The following CMYA5 variants were observed in gnomAD, a reference collection of about 807,000 sequenced individuals.
CMYA5 encodes the protein cardiomyopathy-associated protein 5.
In CMYA5, 246 loss-of-function variants were observed where a neutral mutation model predicts 318.9. The observed-to-expected ratio is 0.77, with a 90% CI of 0.70 to 0.86. The LOEUF is 0.86. Among genes scored for constraint, CMYA5 ranks in the 40% least tolerant of loss-of-function variants. The pLI is 0.00. For missense variants in CMYA5, 4,589 were observed against 4,678.2 expected, an observed-to-expected ratio of 0.98 and a Z score of 0.56; for synonymous variants, 1,641 against 1,729.5, an observed-to-expected ratio of 0.95 and a Z score of 1.27.
chr5:79,748,353 A>G (rs543266253), intron 5 of CMYA5, among the ~76,000 whole-genome samples: 1 of 152,296 alleles, frequency 6.6e-6, no homozygotes, highest in South Asian at 2.1e-4. Context: ...GTTTAACCAA[A>G]GATCCTTTGG....
chr5:79,698,598 C>G (rs796288851), intron 1 of CMYA5, among the ~76,000 whole-genome samples: 1 of 152,304 alleles, frequency 6.6e-6, no homozygotes, highest in East Asian at 1.9e-4. Flanking sequence ...TAAATCCACT[C>G]TTCAGGTTTT....
chr5:79,785,100 A>G (rs1829059554), intron 9 of CMYA5, among the ~76,000 whole-genome samples: 2 of 150,444 alleles, frequency 1.3e-5, no homozygotes, highest in Admixed American at 6.6e-5. Context: ...AAATACTTCC[A>G]TTATTATACA....
intron 7 of CMYA5, among the ~76,000 whole-genome samples, chr5:79,759,965 G>A (rs1051303795): frequency 2.0e-5 from 3 of 152,164 alleles, no homozygotes; most frequent in African/African-American, 4.8e-5. Context: ...CTATTTGCAA[G>A]TGAGAAAACT....
At chr5:79,775,454 G>T (rs1580801338) in intron 9 of CMYA5, among the ~76,000 whole-genome samples, 1 of 152,114 alleles carries the variant, frequency 6.6e-6, no homozygotes, top group African/African-American at 2.4e-5. Flanking sequence ...GGACTGAAGA[G>T]ACTGAAAATG....
At chr5:79,704,959 C>G in intron 1 of CMYA5, among the ~76,000 whole-genome samples, 1 of 152,220 alleles carries the variant, frequency 6.6e-6, no homozygotes, top group Non-Finnish European at 1.5e-5. Context: ...CCCTTCTTAA[C>G]ATTTCTAACA....
At chr5:79,773,761 C>T (rs1828893870) in intron 9 of CMYA5, among the ~76,000 whole-genome samples, 2 of 152,224 alleles carry the variant, frequency 1.3e-5, no homozygotes, top group South Asian at 2.1e-4. Context: ...TTGCCCACTT[C>T]AAGCCATCTA....
At chr5:79,714,835 T>G (rs1299930558) in intron 1 of CMYA5, among the ~76,000 whole-genome samples, 1 of 152,216 alleles carries the variant, frequency 6.6e-6, no homozygotes, top group East Asian at 1.9e-4. Flanking sequence ...AGTCTCTAAT[T>G]TCCTGGAAGG....
rs1156245061 is a variant in CMYA5 at position 79,718,030 on chromosome 5, A to C, written c.150-10885A>C. On this transcript the variant is annotated intron_variant, in intron 1 of 12. Transcript: ENST00000446378. Reference sequence around the variant, plus strand: ...CAGCCTCCCAAGTAGCTAGGACTACAGGCACCCGCCACTACGCCCGGCTAT... The same window carrying C: ...CAGCCTCCCAAGTAGCTAGGACTACCGGCACCCGCCACTACGCCCGGCTAT... Among the ~76,000 whole-genome samples, 2 of 103,376 alleles carry C rather than the reference A, an allele frequency of 1.9e-5. 1 individual carries two copies. The highest frequency in any genetic ancestry group is 9.9e-5 in the African/African-American group (2 of 20,228). 67.8% of individuals were successfully genotyped at this position (103,376 alleles called of 152,430 possible).
At chr5:79,716,501 A>G (rs1827519591) in intron 1 of CMYA5, among the ~76,000 whole-genome samples, 1 of 152,254 alleles carries the variant, frequency 6.6e-6, no homozygotes. Flanking sequence ...AAGAGAAGCT[A>G]GGCCAGCATT....
chr5:79,703,942 A>G (rs1027262510), intron 1 of CMYA5, among the ~76,000 whole-genome samples: 3 of 152,148 alleles, frequency 2.0e-5, no homozygotes, highest in Non-Finnish European at 4.4e-5. Flanking sequence ...AAATTAAAAA[A>G]TTAGCTGGGC....
intron 9 of CMYA5, among the ~76,000 whole-genome samples, chr5:79,767,215 G>C (rs1386251050): frequency 6.6e-6 from 1 of 151,964 alleles, no homozygotes; most frequent in Non-Finnish European, 1.5e-5. Flanking sequence ...TATTAGTCTG[G>C]CTAGTGGTCT....
Position 79,690,035 on chromosome 5 carries a change from C to T in CMYA5, c.128C>T (p.Ser43Leu). The T allele has an allele frequency of 6.8e-7, 1 of 1,464,990 alleles. No individual in the cohort carries two copies. The highest frequency in any genetic ancestry group is 9.1e-7 in the Non-Finnish European group (1 of 1,104,096). 90.7% of individuals were successfully genotyped at this position (1,464,990 alleles called of 1,614,324 possible). The change falls in exon 1 of 13, where the codon TCG (serine) becomes TTG (leucine). Residue 43 changes from serine (S) to leucine (L), a missense_variant. Coordinates refer to ENST00000446378, the MANE Select transcript of CMYA5 (RefSeq NM_153610.5). ...GAGGAGGACGAGACGGCGGCGGAGT[C>T]GGAGGAGGAGCCGGACTCCAGGTAG... The part of the protein sequence containing the change: ...EGEEDETAAE[S>L]EEEPDSRLSD...
rs745748547 is a variant in CMYA5, at chr5:79,752,785, C to T, written c.11101C>T (p.Gln3701Ter). The change falls in exon 6 of 13, where the codon CAA becomes TAA. Residue 3701 changes from glutamine to a stop codon, truncating the protein, a stop_gained. Transcript: ENST00000446378. LOFTEE classifies it high-confidence loss of function. The stretch of plus-strand genomic sequence containing the variant: ...GGCAAGAAGTGACCAGATGTTAAAA[C>T]AAGTGGCTGGTAAGCATTTTAATAT... The part of the protein sequence containing the change: ...SSARSDQMLK[Q>*]VAVPQPPRLE... The T allele has an allele frequency of 4.3e-6, 7 of 1,611,312 alleles. No homozygotes were observed. Among genetic ancestry groups the T allele is most frequent in the Non-Finnish European group, 5.9e-6 (7 of 1,178,036 alleles).
rs750078750 is a variant in CMYA5, at chr5:79,799,602, G to A, written c.12196G>A (p.Val4066Ile). 6.2e-7 allele frequency: 1 copy of A among 1,612,326 alleles called. No homozygotes were observed. The highest frequency in any genetic ancestry group is 8.5e-7 in the Non-Finnish European group (1 of 1,178,976). The change falls in exon 13 of 13, where the codon GTA (valine) becomes ATA (isoleucine). Residue 4066 changes from valine to isoleucine, a missense_variant. By Grantham distance (29) the Val-to-Ile change is conservative (BLOSUM62 3). This residue lies in a region of CMYA5 where 2,431 missense variants were observed against 2,495.1 expected (regional missense o/e 0.97). Transcript: ENST00000446378. Reference sequence around the variant, plus strand: ...CCTGGGGATAGAGCCCCCGGATTCTGTAAGGCACAAGTGATCCTTGGCTTT... The same window carrying A: ...CCTGGGGATAGAGCCCCCGGATTCTATAAGGCACAAGTGATCCTTGGCTTT... Reference protein sequence around the residue: ...LHLGIEPPDSVRHK With the variant: ...LHLGIEPPDSIRHK
Position 79,736,983 on chromosome 5 carries a change from T to C in CMYA5, c.8218T>C (p.Ser2740Pro). Residue 2740 changes from serine to proline, a missense_variant, in exon 2 of 13, where the codon TCT (serine) becomes CCT (proline). Ser to Pro is a moderately conservative substitution (Grantham distance 74, BLOSUM62 -1). Transcript: ENST00000446378. ...CHDEIENHSL[S>P]QEGNLVLEKS... ...TGATGAAATAGAGAACCACTCTTTG[T>C]CTCAGGAAGGAAATCTAGTGTTAGA... The C allele has an allele frequency of 8.7e-6, 14 of 1,613,060 alleles. No individual in the cohort carries two copies. Among genetic ancestry groups the C allele is most frequent in the Non-Finnish European group, 1.2e-5 (14 of 1,179,728 alleles).
intron 1 of CMYA5, among the ~76,000 whole-genome samples, chr5:79,708,152 G>A (rs1279908633): frequency 1.3e-5 from 2 of 152,162 alleles, no homozygotes; most frequent in Non-Finnish European, 2.9e-5. Flanking sequence ...AATAAGTAAT[G>A]AAGCCAGGAT....
rs774991048 is a variant in CMYA5 at position 79,736,887 on chromosome 5, C to A, written c.8122C>A (p.Arg2708Ser). 1.2e-6 allele frequency: 2 copies of A among 1,613,062 alleles called. No individual in the cohort carries two copies. The highest frequency in any genetic ancestry group is 3.3e-5 in the Admixed American group (2 of 59,828). The part of the protein sequence containing the change: ...FQEKAVGTQP[R>S]PLEESKVLVE... Reference sequence around the variant, plus strand: ...AGAAAAGGCAGTAGGAACCCAACCACGTCCTTTAGAAGAAAGTAAAGTTTT... The same window carrying A: ...AGAAAAGGCAGTAGGAACCCAACCAAGTCCTTTAGAAGAAAGTAAAGTTTT... The change falls in exon 2 of 13, where the codon CGT becomes AGT. Residue 2708 changes from arginine to serine, a missense_variant. Coordinates refer to ENST00000446378, the MANE Select transcript of CMYA5 (RefSeq NM_153610.5).
At chr5:79,764,000 A>G (rs1580794555) in intron 9 of CMYA5, among the ~76,000 whole-genome samples, 1 of 150,358 alleles carries the variant, frequency 6.7e-6, no homozygotes, top group Admixed American at 6.6e-5. Flanking sequence ...GAAACTAGAC[A>G]GCTTTTTTTT....
intron 1 of CMYA5, among the ~76,000 whole-genome samples, chr5:79,699,285 C>T (rs1466349618): frequency 6.6e-6 from 1 of 152,178 alleles, no homozygotes; most frequent in Non-Finnish European, 1.5e-5. Context: ...CTGATGAACG[C>T]CATTCATATT....
Sources: allele counts gnomAD v4.1 joint callset (sites outside exome capture counted in the v4.1 genomes callset), GRCh38; gene constraint gnomAD v4.1.1; regional missense constraint gnomAD v4.1.1; transcripts MANE v1.5; gene names NCBI Gene and HGNC (gene_info 2026-07-23, HGNC 2026-07-21).